Variants in MIPOL1 observed in about 807,000 individuals in gnomAD.
MIPOL1 encodes the protein mirror-image polydactyly 1.
MIPOL1 carries 57 observed loss-of-function variants against 60.9 expected under a neutral mutation model. The observed-to-expected ratio is 0.94, with a 90% CI of 0.76 to 1.17. The LOEUF is 1.17. Ranked by LOEUF, MIPOL1 falls within the 50% of genes most tolerant of loss-of-function variation. MIPOL1 has a pLI of 0.00. For missense variants in MIPOL1, 551 were observed against 511.6 expected, an observed-to-expected ratio of 1.08 and a Z score of -0.74; for synonymous variants, 179 against 168.8, an observed-to-expected ratio of 1.06 and a Z score of -0.47.
chr14:37,420,113 G>A (rs2093845765), intron 10 of MIPOL1, among the ~76,000 whole-genome samples: 1 of 150,838 alleles, frequency 6.6e-6, no homozygotes, highest in Non-Finnish European at 1.5e-5. Context: ...AAAAAAGCAA[G>A]GTGTGTATAA....
intron 6 of MIPOL1, among the ~76,000 whole-genome samples, chr14:37,282,733 G>T (rs973195544): frequency 1.1e-5 from 1 of 92,614 alleles, no homozygotes. Context: ...GGATGACAGA[G>T]CAAGACCCTG....
chr14:37,233,894 A>G (rs1043730763), intron 1 of MIPOL1, among the ~76,000 whole-genome samples: 3 of 152,220 alleles, frequency 2.0e-5, no homozygotes, highest in African/African-American at 7.2e-5. Context: ...AACTGTTGCC[A>G]TGGCCTTTGC....
chr14:37,263,898 G>A (rs536081237), intron 3 of MIPOL1, among the ~76,000 whole-genome samples: 3 of 152,306 alleles, frequency 2.0e-5, no homozygotes, highest in African/African-American at 7.2e-5. Flanking sequence ...TGAATCGAAA[G>A]TGAATATCTT....
At chr14:37,406,766 C>T (rs1468831341) in intron 10 of MIPOL1, among the ~76,000 whole-genome samples, 5 of 152,012 alleles carry the variant, frequency 3.3e-5, no homozygotes, top group African/African-American at 1.2e-4. Context: ...TTTCTGAAGA[C>T]CATTAAATAC....
intron 9 of MIPOL1, among the ~76,000 whole-genome samples, chr14:37,366,500 T>A (rs2092475346): frequency 6.6e-6 from 1 of 152,070 alleles, no homozygotes; most frequent in Non-Finnish European, 1.5e-5. Flanking sequence ...TCTTCTATTG[T>A]GGTTAGAGAA....
At chr14:37,334,976 TTAATG>T (rs2089998520) in intron 9 of MIPOL1, among the ~76,000 whole-genome samples, 1 of 152,104 alleles carries the variant, frequency 6.6e-6, no homozygotes, top group African/African-American at 2.4e-5. Context: ...GCTGTGAACA[TTAATG>T]TATAGGTTTT....
intron 1 of MIPOL1, chr14:37,227,765 G>A (rs1257632206): frequency 2.0e-5 from 3 of 152,138 alleles, no homozygotes; most frequent in Non-Finnish European, 2.9e-5. Flanking sequence ...ATCTTGTGAT[G>A]CCACCATCGC....
At chr14:37,317,358 T>C (rs2088024203) in intron 9 of MIPOL1, among the ~76,000 whole-genome samples, 1 of 152,184 alleles carries the variant, frequency 6.6e-6, no homozygotes, top group African/African-American at 2.4e-5. Flanking sequence ...GAATGCACAT[T>C]TAAGAATTAG....
intron 11 of MIPOL1, among the ~76,000 whole-genome samples, chr14:37,430,165 A>G (rs1048840727): frequency 1.3e-5 from 2 of 152,186 alleles, no homozygotes; most frequent in Non-Finnish European, 2.9e-5. Flanking sequence ...AAAGAACACA[A>G]GAAGACTTGA....
intron 7 of MIPOL1, among the ~76,000 whole-genome samples, chr14:37,302,988 T>A (rs920770363): frequency 6.6e-6 from 1 of 151,868 alleles, no homozygotes; most frequent in Non-Finnish European, 1.5e-5. Flanking sequence ...TAATGTTCAA[T>A]TTATCAGGCA....
intron 11 of MIPOL1, among the ~76,000 whole-genome samples, chr14:37,448,114 G>A (rs76106916): frequency 6.6e-5 from 10 of 152,240 alleles, no homozygotes; most frequent in East Asian, 1.9e-4. Flanking sequence ...CAACCAAAAC[G>A]AAAATATTTC....
intron 10 of MIPOL1, among the ~76,000 whole-genome samples, chr14:37,411,152 GT>G (rs1259278187): frequency 1.3e-5 from 2 of 152,212 alleles, no homozygotes; most frequent in African/African-American, 2.4e-5. Context: ...AAAGAATGCT[GT>G]TATAGCTATA....
chr14:37,547,012 T>G lies in MIPOL1; in HGVS notation c.*41T>G, dbSNP rs753977869. The G allele has an allele frequency of 6.4e-7, 1 of 1,568,186 alleles. No homozygotes were observed. The highest frequency in any genetic ancestry group is 1.7e-5 in the Admixed American group (1 of 59,558). ...AGTCTGGGGAAGCGATCACATCTGG[T>G]GACCAGGCTGCTTCATTCAACACTG... On this transcript the variant is annotated 3_prime_UTR_variant, in exon 13 of 13. Coordinates refer to ENST00000684589, the MANE Select transcript of MIPOL1 (RefSeq NM_001388067.1).
At chr14:37,424,272 G>A (rs1325617024) in intron 11 of MIPOL1, among the ~76,000 whole-genome samples, 2 of 152,102 alleles carry the variant, frequency 1.3e-5, no homozygotes, top group African/African-American at 4.8e-5. Flanking sequence ...TTTGTACAGA[G>A]GTAATCAAAT....
At chr14:37,309,382 C>T (rs1057047186) in intron 9 of MIPOL1, among the ~76,000 whole-genome samples, 10 of 152,046 alleles carry the variant, frequency 6.6e-5, no homozygotes, top group African/African-American at 2.4e-4. Context: ...CGTGTACACA[C>T]TTCTATGTCA....
intron 11 of MIPOL1, among the ~76,000 whole-genome samples, chr14:37,437,476 G>A (rs1159891775): frequency 1.3e-5 from 2 of 152,086 alleles, no homozygotes; most frequent in African/African-American, 2.4e-5. Flanking sequence ...AAAGTTGGAC[G>A]CACTGTTCAC....
chr14:37,461,200 A>G (rs974512467), intron 11 of MIPOL1, among the ~76,000 whole-genome samples: 6 of 152,220 alleles, frequency 3.9e-5, no homozygotes, highest in African/African-American at 1.4e-4. Context: ...TGGGCAATTT[A>G]CAAAAGAAAG....
intron 12 of MIPOL1, among the ~76,000 whole-genome samples, chr14:37,517,955 A>G (rs2095382982): frequency 6.6e-6 from 1 of 152,174 alleles, no homozygotes; most frequent in South Asian, 2.1e-4. Context: ...TCTTTTACAT[A>G]TTTAGAAATT....
intron 9 of MIPOL1, among the ~76,000 whole-genome samples, chr14:37,321,022 A>C (rs1022496456): frequency 3.3e-5 from 5 of 152,070 alleles, no homozygotes; most frequent in African/African-American, 1.2e-4. Flanking sequence ...TTAATTTGTG[A>C]TAGTGTAAGG....
Sources: allele counts gnomAD v4.1 joint callset (sites outside exome capture counted in the v4.1 genomes callset), GRCh38; gene constraint gnomAD v4.1.1; transcripts MANE v1.5; gene names NCBI Gene and HGNC (gene_info 2026-07-23, HGNC 2026-07-21).